Variants in PIKFYVE observed in about 807,000 individuals in gnomAD.
PIKFYVE encodes the protein phosphoinositide kinase, FYVE-type zinc finger containing.
A neutral mutation model predicts 257.9 loss-of-function variants in PIKFYVE; 122 were observed. The ratio of observed to expected loss-of-function variants is 0.47; its 90% CI spans 0.41 to 0.55. The LOEUF is 0.55. Among genes scored for constraint, PIKFYVE ranks in the 20% least tolerant of loss-of-function variants. The probability of loss-of-function intolerance (pLI) is 0.00; values close to 1 mark genes in which losing one functional copy is unlikely to be tolerated. For missense variants in PIKFYVE, 2,160 were observed against 2,536.6 expected (o/e 0.85, Z 3.19); for synonymous variants, 892 against 868.9 (o/e 1.03, Z -0.47).
intron 22 of PIKFYVE, among the ~76,000 whole-genome samples, chr2:208,330,172 G>T (rs1175213519): frequency 6.6e-6 from 1 of 152,048 alleles, no homozygotes; most frequent in Non-Finnish European, 1.5e-5. Flanking sequence ...TTTTTTTACA[G>T]TGATTCAAAT....
At chr2:208,292,280 T>TA (rs1004781824) in intron 7 of PIKFYVE, among the ~76,000 whole-genome samples, 4 of 152,130 alleles carry the variant, frequency 2.6e-5, no homozygotes, top group Admixed American at 6.6e-5. Flanking sequence ...GTTGTTGAAT[T>TA]AAACAGTCTA....
chr2:208,348,598 A>AGTGTGTG (rs1559172593), intron 35 of PIKFYVE, among the ~76,000 whole-genome samples: 25 of 64,048 alleles, frequency 3.9e-4, no homozygotes, highest in African/African-American at 1.7e-3. Flanking sequence ...AAAAAAAAAA[A>AGTGTGTG]AGTGTGTGTG....
chr2:208,336,762 A>G, intron 27 of PIKFYVE, 76 bp from the exon 28 acceptor site: 2 of 938,266 alleles, frequency 2.1e-6, no homozygotes, highest in South Asian at 1.5e-5. Context: ...AAAGTTGTAA[A>G]GAGAAAATTT....
At chr2:208,307,530 C>T (rs1694468528) in intron 12 of PIKFYVE, among the ~76,000 whole-genome samples, 1 of 150,402 alleles carries the variant, frequency 6.6e-6, no homozygotes, top group African/African-American at 2.5e-5. Context: ...TGAAGAGTTT[C>T]GAAGAGTAGG....
chr2:208,267,566 G>A (rs1688820910), intron 1 of PIKFYVE, among the ~76,000 whole-genome samples: 1 of 144,602 alleles, frequency 6.9e-6, no homozygotes, highest in Non-Finnish European at 1.5e-5. Flanking sequence ...GAGTGCAGTG[G>A]CGCGATCTCC....
chr2:208,304,997 C>A lies in PIKFYVE; in HGVS notation c.1620C>A (p.His540Gln), dbSNP rs749118748. Residue 540 changes from histidine (H) to glutamine (Q), a missense_variant, in exon 12 of 42, where the codon CAC becomes CAA. Physicochemically the swap from His to Gln is conservative, Grantham distance 24. This residue lies in a region of PIKFYVE where 346 missense variants were observed against 365.6 expected (regional missense o/e 0.95). Transcript: ENST00000264380. ...KPSKYPHVPP[H>Q]PADQKEYLIS... ...CCAAGTACCCACATGTGCCCCCTCACCCTGCTGACCAAAAAGGTAGGAGGT... is the reference window on the plus strand; with the variant it reads ...CCAAGTACCCACATGTGCCCCCTCAACCTGCTGACCAAAAAGGTAGGAGGT... 2 of 1,614,134 alleles carry A rather than the reference C, an allele frequency of 1.2e-6. No individual in the cohort carries two copies. The highest frequency in any genetic ancestry group is 1.7e-6 in the Non-Finnish European group (2 of 1,180,010).
chr2:208,353,814 CT>C (rs1320066320), intron 39 of PIKFYVE, 83 bp from the exon 40 acceptor site: 1 of 1,503,708 alleles, frequency 6.7e-7, no homozygotes, highest in Non-Finnish European at 9.2e-7. Flanking sequence ...TATAAGGAGT[CT>C]TTCTGCCTTT....
intron 2 of PIKFYVE, among the ~76,000 whole-genome samples, chr2:208,272,417 G>A (rs1231737328): frequency 6.6e-6 from 1 of 152,132 alleles, no homozygotes; most frequent in Non-Finnish European, 1.5e-5. Flanking sequence ...GAAAGGAACA[G>A]TACATGGGAG....
chr2:208,270,024 G>A, intron 1 of PIKFYVE: 1 of 175,880 alleles, frequency 5.7e-6, no homozygotes, highest in Non-Finnish European at 1.3e-5. Context: ...CCGTGTCTGG[G>A]CCAGACTACA....
chr2:208,273,912 A>G, intron 3 of PIKFYVE, 179 bp downstream of exon 3: 1 of 1,411,954 alleles, frequency 7.1e-7, no homozygotes, highest in Non-Finnish European at 9.8e-7. Context: ...TAGTGAAAGA[A>G]TTTATTGACA....
At position 208,347,918 on chromosome 2, in the gene PIKFYVE, C is replaced by T. The variant is rs1259703587; in HGVS notation, c.5269C>T (p.Leu1757Phe). Residue 1757 changes from leucine (L) to phenylalanine (F), a missense_variant, in exon 35 of 42, where the codon CTC becomes TTC. Physicochemically the swap from Leu to Phe is conservative, Grantham distance 22. Transcript: ENST00000264380. The part of the protein sequence containing the change: ...FRGTAGKSPD[L>F]SSQKRETLRG... The stretch of plus-strand genomic sequence containing the variant: ...AGGGACAGCAGGGAAAAGCCCCGAT[C>T]TCTCTTCCCAGAAGAGAGAGACCTT... The T allele has an allele frequency of 1.2e-6, 2 of 1,613,914 alleles. No individual in the cohort carries two copies. The highest frequency in any genetic ancestry group is 1.3e-5 in the African/African-American group (1 of 74,942).
chr2:208,335,967 C>A (rs1158312316), intron 26 of PIKFYVE, 66 bp downstream of exon 26: 27 of 1,587,180 alleles, frequency 1.7e-5, no homozygotes, highest in Non-Finnish European at 2.1e-5. Flanking sequence ...GATTAAAAAT[C>A]AAAAATTAAT....
At position 208,338,549 on chromosome 2, in the gene PIKFYVE, A is replaced by G; in HGVS notation, c.4653A>G (p.Gly1551=). 6.2e-7 allele frequency: 1 copy of G among 1,613,248 alleles called. No individual in the cohort carries two copies. Among genetic ancestry groups the G allele is most frequent in the Non-Finnish European group, 8.5e-7 (1 of 1,179,318 alleles). Residue 1551 remains glycine, a synonymous_variant, in exon 29 of 42, where the codon GGA becomes GGG. Transcript: ENST00000264380. The part of the protein sequence containing the change: ...MDASPRNISP[G]LQNGEKEDRF... ...CATCTCCACGGAATATTTCTCCAGG[A>G]CTTCAGAATGGAGAAAAAGGTTGGT...
chr2:208,330,853 A>G (rs1697462379), intron 23 of PIKFYVE, among the ~76,000 whole-genome samples, 159 bp downstream of exon 23: 1 of 151,354 alleles, frequency 6.6e-6, no homozygotes, highest in South Asian at 2.1e-4. Context: ...TGTATGTTCA[A>G]TCTAGTATTC....
At chr2:208,288,925 G>A (rs1574466849) in intron 7 of PIKFYVE, 107 bp downstream of exon 7, 5 of 1,363,460 alleles carry the variant, frequency 3.7e-6, no homozygotes, top group East Asian at 2.3e-5. Flanking sequence ...ATATACTTCC[G>A]TAGCTCTAAA....
chr2:208,342,530 T>TA, intron 31 of PIKFYVE, 24 bp from the exon 32 acceptor site: 1 of 1,556,998 alleles, frequency 6.4e-7, no homozygotes, highest in African/African-American at 1.4e-5. Context: ...TTAGTTAACT[T>TA]ATGTATTTTA....
chr2:208,341,637 G>A lies in PIKFYVE; in HGVS notation c.4932-917G>A, dbSNP rs144015896. Among the ~76,000 whole-genome samples, 1,039 of 152,244 alleles carry A rather than the reference G, an allele frequency of 6.8e-3. 5 individuals carry two copies. The highest frequency in any genetic ancestry group is 0.011 in the Non-Finnish European group (741 of 68,012). On this transcript the variant is annotated intron_variant, in intron 31 of 41. Transcript: ENST00000264380. ...GGCAAGGGTCCTCTTTTGGGTTGTA[G>A]ATTGCTGTTGTCTCTTTGTATTCTC... is the stretch of plus-strand genomic sequence containing the variant.
intron 8 of PIKFYVE, among the ~76,000 whole-genome samples, chr2:208,299,811 T>C (rs1033251657): frequency 6.6e-6 from 1 of 152,230 alleles, no homozygotes; most frequent in Non-Finnish European, 1.5e-5. Context: ...TAAGAGTGAC[T>C]CAGAGAAATG....
chr2:208,328,482 G>C (rs1697186170), intron 21 of PIKFYVE, among the ~76,000 whole-genome samples: 1 of 152,176 alleles, frequency 6.6e-6, no homozygotes, highest in Non-Finnish European at 1.5e-5. Flanking sequence ...GTAAATGAGA[G>C]TATATTAAGA....
Sources: allele counts gnomAD v4.1 joint callset (sites outside exome capture counted in the v4.1 genomes callset), GRCh38; gene constraint gnomAD v4.1.1; regional missense constraint gnomAD v4.1.1; transcripts MANE v1.5; gene names NCBI Gene and HGNC (gene_info 2026-07-23, HGNC 2026-07-21).